TMEM217: variants seen among roughly 807,000 people sequenced by gnomAD.
TMEM217 encodes transmembrane protein 217.
For synonymous variants in TMEM217, 76 were observed against 88.3 expected (o/e 0.86, Z 0.78); for missense variants, 204 against 248.8 (o/e 0.82, Z 1.21).
downstream of TMEM217, chr6:37,217,632 A>C: frequency 1.0e-6 from 1 of 985,312 alleles, no homozygotes; most frequent in Non-Finnish European, 1.2e-6. Flanking sequence ...TCGAGACATA[A>C]ATTGAAGGAT....
At chr6:37,245,784 TTTTC>T (rs1190759768) in intron 1 of TMEM217, among the ~76,000 whole-genome samples, 34 of 140,298 alleles carry the variant, frequency 2.4e-4, no homozygotes, top group Non-Finnish European at 3.5e-4. Flanking sequence ...TTTTCTTTTC[TTTTC>T]TTTCTTTCTT....
chr6:37,217,149 C>T (rs1216759868), downstream of TMEM217, among the ~76,000 whole-genome samples: 1 of 152,164 alleles, frequency 6.6e-6, no homozygotes, highest in Non-Finnish European at 1.5e-5. Context: ...CAAAAATTAG[C>T]CAGGCATGGT....
intron 1 of TMEM217, among the ~76,000 whole-genome samples, chr6:37,249,508 A>G (rs1765282816): frequency 6.6e-6 from 1 of 152,042 alleles, no homozygotes; most frequent in Non-Finnish European, 1.5e-5. Flanking sequence ...TTTAGTGGAG[A>G]CGGGGTTTCA....
chr6:37,215,026 T>C (rs1438926162), downstream of TMEM217, among the ~76,000 whole-genome samples: 1 of 152,228 alleles, frequency 6.6e-6, no homozygotes, highest in East Asian at 1.9e-4. Context: ...ATATCTATGT[T>C]GTGAGTTTCA....
intron 1 of TMEM217, among the ~76,000 whole-genome samples, chr6:37,255,693 A>G (rs1264833236): frequency 6.6e-6 from 1 of 151,988 alleles, no homozygotes; most frequent in Non-Finnish European, 1.5e-5. Flanking sequence ...CAAAAAAAAA[A>G]AAAAAGGTCT....
chr6:37,252,129 G>A (rs1296575748), intron 1 of TMEM217, among the ~76,000 whole-genome samples: 1 of 152,228 alleles, frequency 6.6e-6, no homozygotes, highest in African/African-American at 2.4e-5. Flanking sequence ...CTGACCTCAG[G>A]TGATCCGCCT....
At position 37,223,283 on chromosome 6, in the gene TMEM217, G is replaced by T. The variant is rs73417841; in HGVS notation, c.-11-4242C>A. Among the ~76,000 whole-genome samples, 1,078 of 151,650 alleles carry T rather than the reference G, an allele frequency of 7.1e-3. 17 individuals carry two copies. Among genetic ancestry groups the T allele is most frequent in the African/African-American group, 0.025 (1,035 of 41,348 alleles). On this transcript the variant is annotated intron_variant, in intron 1 of 1. Coordinates refer to ENST00000357219, the Ensembl canonical transcript of TMEM217. ...AAGAAACCTAACTGATTGCTAGAAG[G>T]ATAAATGAAAGAAAATCTACACAAA...
intron 1 of TMEM217, among the ~76,000 whole-genome samples, chr6:37,234,648 AT>A (rs1764391707): frequency 6.6e-6 from 1 of 152,240 alleles, no homozygotes; most frequent in Admixed American, 6.5e-5. Flanking sequence ...AGGCAAGAGA[AT>A]TACTTGAACC....
intron 1 of TMEM217, among the ~76,000 whole-genome samples, chr6:37,241,054 AT>A (rs1156395591): frequency 2.0e-5 from 3 of 149,384 alleles, no homozygotes; most frequent in Admixed American, 1.3e-4. Flanking sequence ...GGATATTAGC[AT>A]TTTTTCAATG....
intron 1 of TMEM217, among the ~76,000 whole-genome samples, chr6:37,223,569 C>T (rs558281385): frequency 6.6e-6 from 1 of 152,286 alleles, no homozygotes; most frequent in African/African-American, 2.4e-5. Context: ...AGTACAGTGG[C>T]GTGATCTCAG....
chr6:37,221,471 G>A (rs1442320744), intron 1 of TMEM217, among the ~76,000 whole-genome samples: 2 of 152,122 alleles, frequency 1.3e-5, no homozygotes, highest in African/African-American at 2.4e-5. Context: ...ACAGGGGTGA[G>A]CCACCCCACC....
intron 1 of TMEM217, among the ~76,000 whole-genome samples, chr6:37,242,254 C>T (rs2113891452): frequency 6.6e-6 from 1 of 152,350 alleles, no homozygotes; most frequent in African/African-American, 2.4e-5. Context: ...TTCTGCCACT[C>T]TGGGGTCTGG....
downstream of TMEM217, among the ~76,000 whole-genome samples, chr6:37,216,913 A>G (rs2113805566): frequency 6.6e-6 from 1 of 152,304 alleles, no homozygotes; most frequent in East Asian, 1.9e-4. Context: ...GCAGGCCCTT[A>G]CCAGACACCA....
intron 1 of TMEM217, among the ~76,000 whole-genome samples, chr6:37,226,163 T>C (rs570759691): frequency 2.1e-3 from 315 of 152,286 alleles, no homozygotes; most frequent in African/African-American, 6.5e-3. Flanking sequence ...TACATGCTTA[T>C]TTCACTGAGT....
intron 1 of TMEM217, among the ~76,000 whole-genome samples, chr6:37,232,950 T>C (rs1764283223): frequency 6.6e-6 from 1 of 152,226 alleles, no homozygotes; most frequent in African/African-American, 2.4e-5. Flanking sequence ...AAGACTGTTC[T>C]CACTTTATAC....
intron 1 of TMEM217, among the ~76,000 whole-genome samples, chr6:37,250,728 T>C (rs1177286314): frequency 6.6e-6 from 1 of 152,170 alleles, no homozygotes; most frequent in Non-Finnish European, 1.5e-5. Context: ...TATGTATGTG[T>C]AAGTGTAAAA....
intron 1 of TMEM217, among the ~76,000 whole-genome samples, chr6:37,235,761 G>A (rs555410200): frequency 4.8e-4 from 73 of 152,270 alleles, no homozygotes; most frequent in African/African-American, 1.7e-3. Context: ...CCAAGATGAC[G>A]CCTTGTTGCT....
intron 1 of TMEM217, among the ~76,000 whole-genome samples, chr6:37,239,157 A>G (rs752963469): frequency 5.3e-5 from 8 of 152,046 alleles, no homozygotes; most frequent in Non-Finnish European, 1.0e-4. Flanking sequence ...GTATGTCTAA[A>G]TAAGTATTAA....
chr6:37,252,637 ATT>A (rs374265453), intron 1 of TMEM217, among the ~76,000 whole-genome samples: 227 of 71,282 alleles, frequency 3.2e-3, no homozygotes, highest in Middle Eastern at 7.4e-3. Flanking sequence ...ATATATATAT[ATT>A]TTTTTTTTTT....
Sources: gnomAD v4.1 joint callset for allele counts (sites outside exome capture counted in the v4.1 genomes callset) on GRCh38, gnomAD v4.1.1 for gene constraint, MANE v1.5 for transcripts, NCBI Gene and HGNC (gene_info 2026-07-23, HGNC 2026-07-21) for gene names.